The following SLITRK3 variants were observed in gnomAD, a reference collection of about 807,000 sequenced individuals.
The protein encoded by SLITRK3 is SLIT and NTRK like family member 3.
In SLITRK3, 16 loss-of-function variants were observed where a neutral mutation model predicts 63.6. The ratio of observed to expected loss-of-function variants is 0.25; its 90% CI spans 0.17 to 0.38. The LOEUF (loss-of-function observed/expected upper bound fraction) is 0.38, where lower values mean the gene tolerates loss of function less well. Ranked by LOEUF, SLITRK3 falls within the 10% of genes least tolerant of loss-of-function variation. The probability of loss-of-function intolerance (pLI) is 1.00; values close to 1 mark genes in which losing one functional copy is unlikely to be tolerated. For synonymous variants in SLITRK3, 547 were observed against 451.6 expected (o/e 1.21, Z -2.68); for missense variants, 1,117 against 1,181.4 (o/e 0.95, Z 0.80).
intron 1 of SLITRK3, among the ~76,000 whole-genome samples, chr3:165,191,116 G>C (rs1336155074): frequency 6.6e-6 from 1 of 152,152 alleles, no homozygotes; most frequent in Non-Finnish European, 1.5e-5. Context: ...AACAAAAGCA[G>C]CCTGCATTGC....
At chr3:165,191,753 T>G (rs1718235171) in intron 1 of SLITRK3, among the ~76,000 whole-genome samples, 1 of 152,166 alleles carries the variant, frequency 6.6e-6, no homozygotes, top group Non-Finnish European at 1.5e-5. Context: ...CAAGATCAAC[T>G]GAGGAACCCT....
In SLITRK3 at chr3:165,188,845, A is replaced by G; in HGVS notation, c.1986T>C (p.Val662=). The G allele has an allele frequency of 6.2e-7, 1 of 1,614,142 alleles. No homozygotes were observed. Among genetic ancestry groups the G allele is most frequent in the East Asian group, 2.2e-5 (1 of 44,856 alleles). ...PLSVLILSLL[V]LFFSAVFVAA... ...CAACAAAGACTGCTGAGAAAAACAGAACCAGCAGGCTGAGAATTAACACAG... is the reference window on the plus strand; with the variant it reads ...CAACAAAGACTGCTGAGAAAAACAGGACCAGCAGGCTGAGAATTAACACAG... The change falls in exon 2 of 2, where the codon GTT becomes GTC. Residue 662 remains valine (V), a synonymous_variant. Coordinates refer to ENST00000475390, the MANE Select transcript of SLITRK3 (RefSeq NM_001318810.2).
At position 165,189,020 on chromosome 3, in the gene SLITRK3, G is replaced by C. The variant is rs375411747; in HGVS notation, c.1811C>G (p.Thr604Ser). 8 of 1,614,172 alleles carry C rather than the reference G, an allele frequency of 5.0e-6. No individual in the cohort carries two copies. Among genetic ancestry groups the C allele is most frequent in the Non-Finnish European group, 8.5e-7 (1 of 1,180,032 alleles). ...PENLTHRDVR[T>S]IELEVLCPEM... ...TGGGCAAAGAACTTCCAGCTCAATA[G>C]TGCGCACATCACGGTGCGTGAGGTT... Residue 604 changes from threonine (T) to serine (S), a missense_variant, in exon 2 of 2, where the codon ACT becomes AGT. This residue lies in a region of SLITRK3 where 499 missense variants were observed against 463.6 expected (regional missense o/e 1.08). Coordinates refer to ENST00000475390, the MANE Select transcript of SLITRK3 (RefSeq NM_001318810.2). The surrounding 1 kb of genome is among the most constrained non-coding windows in gnomAD (Gnocchi z 4.0).
chr3:165,187,905 T>C lies in SLITRK3; in HGVS notation c.2926A>G (p.Arg976Gly), dbSNP rs753644718. 3.1e-6 allele frequency: 5 copies of C among 1,609,848 alleles called. No homozygotes were observed. In the South Asian group the frequency reaches 3.3e-5, roughly 11 times the overall value. ...ATATTTTCTTCTCTCTGTTAGAACC[T>C]GTATGTTGTCTTCTCCAGGACTTCG... ...YLEVLEKTTY[R>G]F The change falls in exon 2 of 2, where the codon AGG (arginine) becomes GGG (glycine). Residue 976 changes from arginine to glycine, a missense_variant. Physicochemically the swap from Arg to Gly is moderately radical, Grantham distance 125 (BLOSUM62 -2). Around this residue, in one of 4 missense-constraint regions of SLITRK3, gnomAD observed 499 missense variants for 463.6 expected, o/e 1.08. Transcript: ENST00000475390.
At chr3:165,194,747 A>T (rs536977934) in intron 1 of SLITRK3, among the ~76,000 whole-genome samples, 3 of 152,332 alleles carry the variant, frequency 2.0e-5, no homozygotes, top group African/African-American at 7.2e-5. Context: ...GAGCTTCCAG[A>T]TGACGGTAAA....
intron 1 of SLITRK3, among the ~76,000 whole-genome samples, chr3:165,195,147 C>A (rs1325266621): frequency 6.6e-6 from 1 of 152,190 alleles, no homozygotes; most frequent in East Asian, 1.9e-4. Context: ...CTGCATCATT[C>A]ATTTTCTGAA....
At chr3:165,192,406 TAAG>T in intron 1 of SLITRK3, among the ~76,000 whole-genome samples, 1 of 152,142 alleles carries the variant, frequency 6.6e-6, no homozygotes, top group Non-Finnish European at 1.5e-5. Flanking sequence ...AAAATCTACT[TAAG>T]TTCTTTCTTC....
rs1238343381 is a variant in SLITRK3, at chr3:165,190,009, T to C, written c.822A>G (p.Glu274=). ...PFHFHGKDLR[E]IRKTELCPLL... ...AGGGACAGAGTTCTGTCTTCCTGATTTCTCGTAGGTCCTTTCCATGGAAGT... is the reference window on the plus strand; with the variant it reads ...AGGGACAGAGTTCTGTCTTCCTGATCTCTCGTAGGTCCTTTCCATGGAAGT... Residue 274 remains glutamate, a synonymous_variant, in exon 2 of 2, where the codon GAA becomes GAG. Transcript: ENST00000475390. 1 of 1,614,142 alleles carries C rather than the reference T, an allele frequency of 6.2e-7. No homozygotes were observed. The highest frequency in any genetic ancestry group is 1.1e-5 in the South Asian group (1 of 91,078).
At chr3:165,192,170 AC>A (rs1718252899) in intron 1 of SLITRK3, among the ~76,000 whole-genome samples, 2 of 151,876 alleles carry the variant, frequency 1.3e-5, no homozygotes, top group African/African-American at 4.8e-5. Context: ...TTCTTCTTAA[AC>A]CACAATGATA....
At position 165,188,420 on chromosome 3, in the gene SLITRK3, T is replaced by G. The variant is rs745726446; in HGVS notation, c.2411A>C (p.Asn804Thr). ...SEQFAETPKE[N>T]HSNYRTLLEK... ...CAGCAAGGTCCGGTAGTTACTATGG[T>G]TCTCCTTGGGTGTCTCAGCAAACTG... Residue 804 changes from asparagine to threonine, a missense_variant, in exon 2 of 2, where the codon AAC becomes ACC. Coordinates refer to ENST00000475390, the MANE Select transcript of SLITRK3 (RefSeq NM_001318810.2). The G allele has an allele frequency of 1.9e-6, 3 of 1,613,962 alleles. No individual in the cohort carries two copies. In the East Asian group the frequency reaches 6.7e-5, roughly 36 times the overall value.
chr3:165,191,785 T>C (rs1718236186), intron 1 of SLITRK3, among the ~76,000 whole-genome samples: 1 of 152,182 alleles, frequency 6.6e-6, no homozygotes, highest in Non-Finnish European at 1.5e-5. Context: ...GAAGAGCAGG[T>C]GGCTGGTTAG....
chr3:165,190,468 G>C lies in SLITRK3; in HGVS notation c.363C>G (p.Phe121Leu). 1 of 1,613,810 alleles carries C rather than the reference G, an allele frequency of 6.2e-7. No individual in the cohort carries two copies. The highest frequency in any genetic ancestry group is 8.5e-7 in the Non-Finnish European group (1 of 1,179,988). Residue 121 changes from phenylalanine to leucine, a missense_variant, in exon 2 of 2, where the codon TTC (phenylalanine) becomes TTG (leucine). Phe to Leu is a conservative substitution (Grantham distance 22). This residue lies in a region of SLITRK3 where 452 missense variants were observed against 495.3 expected (regional missense o/e 0.91). Transcript: ENST00000475390. ...NALQDIQTGA[F>L]NGLKILKRLY... ...GTCTCTTTAAAATCTTAAGACCATT[G>C]AAAGCTCCAGTCTGAATGTCCTGCA...
In SLITRK3 at chr3:165,189,978, A is replaced by C. The variant is rs778532191; in HGVS notation, c.853T>G (p.Ser285Ala). Reference sequence around the variant, plus strand: ...AAACTAGCCTCTACCTCAGAGTCAGACAACAAGGGACAGAGTTCTGTCTTC... The same window carrying C: ...AAACTAGCCTCTACCTCAGAGTCAGCCAACAAGGGACAGAGTTCTGTCTTC... ...IRKTELCPLL[S>A]DSEVEASLGI... Residue 285 changes from serine (S) to alanine (A), a missense_variant, in exon 2 of 2, where the codon TCT becomes GCT. This residue lies in a region of SLITRK3 where 452 missense variants were observed against 495.3 expected (regional missense o/e 0.91). Coordinates refer to ENST00000475390, the MANE Select transcript of SLITRK3 (RefSeq NM_001318810.2). This position sits in a 1 kb window ranked among gnomAD's most constrained non-coding sequence, Gnocchi z 4.0. The C allele has an allele frequency of 3.1e-6, 5 of 1,614,040 alleles. No individual in the cohort carries two copies. The East Asian group carries it at 1.1e-4, about 36-fold the overall frequency.
Position 165,188,084 on chromosome 3 carries a change from T to C in SLITRK3, c.2747A>G (p.His916Arg), listed in dbSNP as rs1718025799. 1 of 1,613,634 alleles carries C rather than the reference T, an allele frequency of 6.2e-7. No individual in the cohort carries two copies. The highest frequency in any genetic ancestry group is 8.5e-7 in the Non-Finnish European group (1 of 1,179,944). Residue 916 changes from histidine (H) to arginine (R), a missense_variant, in exon 2 of 2, where the codon CAC becomes CGC. His to Arg is a conservative substitution (Grantham distance 29). Transcript: ENST00000475390. The stretch of plus-strand genomic sequence containing the variant: ...GTCTGGGTATTGCATGCCAGGAGGG[T>C]GCACGTGCAGTTCCTTTAATTTGGG... ...TVPKLKELHV[H>R]PPGMQYPDLQ...
Position 165,196,053 on chromosome 3 carries a change from C to T in SLITRK3, c.-495G>A, listed in dbSNP as rs1281402474. On this transcript the variant is annotated 5_prime_UTR_variant, in exon 1 of 2. Transcript: ENST00000475390. ...TGTCACTCACAGCGCAATCCCTGCCCGAGGCCTCCTTCCATCCGAGAAGAT... is the reference window on the plus strand; with the variant it reads ...TGTCACTCACAGCGCAATCCCTGCCTGAGGCCTCCTTCCATCCGAGAAGAT... 6.5e-6 allele frequency: 1 copy of T among 152,690 alleles called. No homozygotes were observed. Among genetic ancestry groups the T allele is most frequent in the Admixed American group, 6.5e-5 (1 of 15,268 alleles). 9.5% of individuals were successfully genotyped at this position (152,690 alleles called of 1,614,324 possible).
chr3:165,188,772 G>A lies in SLITRK3; in HGVS notation c.2059C>T (p.Pro687Ser), dbSNP rs1257884827. 4 of 1,614,198 alleles carry A rather than the reference G, an allele frequency of 2.5e-6. No individual in the cohort carries two copies. Among genetic ancestry groups the A allele is most frequent in the South Asian group, 1.1e-5 (1 of 91,082 alleles). The stretch of plus-strand genomic sequence containing the variant: ...CCTTCCTGCCGCTTGCTTCTGAAGG[G>A]CAGCTTCTTTCGACGCCTTCGGAGC... ...YVLRRRRKKL[P>S]FRSKRQEGVD... The change falls in exon 2 of 2, where the codon CCC (proline) becomes TCC (serine). Residue 687 changes from proline (P) to serine (S), a missense_variant. Transcript: ENST00000475390.
rs1365752386 is a variant in SLITRK3, at chr3:165,195,615, C to G, written c.-57G>C. ...GAGCGCTCAGGATCTCCGAGGTTTG[C>G]TGCGAGGGGCTACCCAGCAGGAGGG... On this transcript the variant is annotated 5_prime_UTR_variant, in exon 1 of 2. Transcript: ENST00000475390. 6.6e-6 allele frequency: 1 copy of G among 152,448 alleles called. No homozygotes were observed. Among genetic ancestry groups the G allele is most frequent in the African/African-American group, 2.4e-5 (1 of 41,462 alleles). 9.4% of individuals were successfully genotyped at this position (152,448 alleles called of 1,614,324 possible).
In SLITRK3 at chr3:165,190,847, C is replaced by A; in HGVS notation, c.-17G>T. On this transcript the variant is annotated 5_prime_UTR_variant, in exon 2 of 2. Transcript: ENST00000475390. ...AGGTTTCATCGTTCGTGGTTGATTACAAAACTGCAACAGAAATAAAAATGC... is the reference window on the plus strand; with the variant it reads ...AGGTTTCATCGTTCGTGGTTGATTAAAAAACTGCAACAGAAATAAAAATGC... 6.5e-7 allele frequency: 1 copy of A among 1,541,824 alleles called. No homozygotes were observed. Among genetic ancestry groups the A allele is most frequent in the South Asian group, 1.3e-5 (1 of 78,774 alleles).
intron 1 of SLITRK3, among the ~76,000 whole-genome samples, chr3:165,195,292 T>TC (rs1454648341): frequency 6.6e-6 from 1 of 152,116 alleles, no homozygotes; most frequent in Non-Finnish European, 1.5e-5. Flanking sequence ...CAGCGAGCAT[T>TC]CCACTGGGGG....
Sources: allele counts gnomAD v4.1 joint callset (sites outside exome capture counted in the v4.1 genomes callset), GRCh38; gene constraint gnomAD v4.1.1; regional missense constraint gnomAD v4.1.1; non-coding constraint Gnocchi (gnomAD v3.1); transcripts MANE v1.5; gene names NCBI Gene and HGNC (gene_info 2026-07-23, HGNC 2026-07-21).